The following CDK5RAP2 variants were observed in gnomAD, a reference collection of about 807,000 sequenced individuals.
CDK5RAP2 encodes CDK5 regulatory subunit associated protein 2, also known as CDK5 regulatory subunit-associated protein 2.
In CDK5RAP2, 147 loss-of-function variants were observed where a neutral mutation model predicts 232.9. That is an observed-to-expected ratio of 0.63 (90% confidence interval 0.55 to 0.72). The LOEUF is 0.72. Ranked by LOEUF, CDK5RAP2 falls within the 30% of genes least tolerant of loss-of-function variation. CDK5RAP2 has a pLI of 0.00. For synonymous variants in CDK5RAP2, 833 were observed against 833.7 expected (o/e 1.00, Z 0.01); for missense variants, 2,195 against 2,231.5 (o/e 0.98, Z 0.33).
chr9:120,555,753 A>C (rs375508534), intron 3 of CDK5RAP2, among the ~76,000 whole-genome samples: 14 of 152,344 alleles, frequency 9.2e-5, no homozygotes, highest in African/African-American at 3.4e-4. Flanking sequence ...AAACCTGTAC[A>C]TAAATGTTTA....
At chr9:120,414,953 C>A in intron 28 of CDK5RAP2, 87 bp downstream of exon 28, 1 of 1,485,776 alleles carries the variant, frequency 6.7e-7, no homozygotes, top group East Asian at 2.3e-5. Context: ...CAAGCACCTG[C>A]TTTGTACACA....
intron 28 of CDK5RAP2, 104 bp from the exon 29 acceptor site, chr9:120,411,578 A>G (rs1389857413): frequency 4.2e-6 from 3 of 712,530 alleles, no homozygotes; most frequent in South Asian, 3.0e-5. Context: ...ACAACATACA[A>G]TGAAAATCCC....
chr9:120,505,023 CT>C (rs1479693293), intron 12 of CDK5RAP2, among the ~76,000 whole-genome samples: 5 of 152,316 alleles, frequency 3.3e-5, no homozygotes, highest in African/African-American at 1.2e-4. Flanking sequence ...TACCCATCAC[CT>C]CACTCAACTC....
At chr9:120,549,490 T>C (rs1162394768) in intron 4 of CDK5RAP2, among the ~76,000 whole-genome samples, 1 of 152,196 alleles carries the variant, frequency 6.6e-6, no homozygotes, top group Non-Finnish European at 1.5e-5. Flanking sequence ...AGTGGTATAG[T>C]ACAATGAGAT....
intron 25 of CDK5RAP2, among the ~76,000 whole-genome samples, chr9:120,427,465 C>T (rs926371787): frequency 6.6e-6 from 1 of 152,144 alleles, no homozygotes; most frequent in African/African-American, 2.4e-5. Flanking sequence ...GGATAAATGA[C>T]CCACAAAGCT....
At chr9:120,397,544 T>TAAAAAAAAAAAAA (rs760469422) in intron 35 of CDK5RAP2, among the ~76,000 whole-genome samples, 6 of 49,056 alleles carry the variant, frequency 1.2e-4, no homozygotes, top group Non-Finnish European at 1.8e-4. Flanking sequence ...AAAACATTCT[T>TAAAAAAAAAAAAA]AAAAAAAAAA....
chr9:120,509,633 T>C (rs116958160), intron 12 of CDK5RAP2, among the ~76,000 whole-genome samples: 1 of 152,360 alleles, frequency 6.6e-6, no homozygotes, highest in East Asian at 1.9e-4. Flanking sequence ...ACGTTTCTAG[T>C]GCCCGAGGCC....
chr9:120,457,789 CG>C (rs1395032914), intron 20 of CDK5RAP2, among the ~76,000 whole-genome samples: 1 of 152,112 alleles, frequency 6.6e-6, no homozygotes, highest in African/African-American at 2.4e-5. Flanking sequence ...TTTTCTTAAA[CG>C]TTTTTTTCTT....
chr9:120,429,885 C>T (rs968950297), intron 25 of CDK5RAP2, among the ~76,000 whole-genome samples: 4 of 152,214 alleles, frequency 2.6e-5, no homozygotes, highest in Admixed American at 6.5e-5. Context: ...GTAACCAAAA[C>T]AGCATGGTAC....
intron 16 of CDK5RAP2, among the ~76,000 whole-genome samples, chr9:120,471,012 A>C (rs1185180707): frequency 6.6e-6 from 1 of 152,220 alleles, no homozygotes; most frequent in Non-Finnish European, 1.5e-5. Flanking sequence ...CTGTAAAATG[A>C]ACTTAATACT....
intron 25 of CDK5RAP2, among the ~76,000 whole-genome samples, chr9:120,430,041 C>G (rs11506925): frequency 0.1 from 15,531 of 151,998 alleles, 1,765 homozygotes; most frequent in African/African-American, 0.28. Context: ...ATGGTGTTGG[C>G]AAAACTGGCT....
At chr9:120,571,947 A>C in intron 2 of CDK5RAP2, 27 bp downstream of exon 2, 2 of 1,583,668 alleles carry the variant, frequency 1.3e-6, no homozygotes, top group Non-Finnish European at 1.7e-6. Flanking sequence ...TCTTTACTCA[A>C]GAGAATGCCT....
intron 11 of CDK5RAP2, among the ~76,000 whole-genome samples, chr9:120,521,743 T>C (rs2040672627): frequency 6.6e-6 from 1 of 151,508 alleles, no homozygotes; most frequent in Non-Finnish European, 1.5e-5. Context: ...CCTCCCGGGT[T>C]CACACCATTC....
At chr9:120,568,919 G>C (rs912774852) in intron 2 of CDK5RAP2, among the ~76,000 whole-genome samples, 4 of 152,152 alleles carry the variant, frequency 2.6e-5, no homozygotes, top group East Asian at 1.9e-4. Context: ...TCCAATAAAA[G>C]TTTATTTTCA....
At chr9:120,560,907 G>T (rs1299654086) in intron 3 of CDK5RAP2, among the ~76,000 whole-genome samples, 1 of 151,550 alleles carries the variant, frequency 6.6e-6, no homozygotes, top group African/African-American at 2.4e-5. Flanking sequence ...GTGAGCCACC[G>T]CACCCAGCCG....
chr9:120,406,924 G>A (rs2033482583), intron 32 of CDK5RAP2, 88 bp downstream of exon 32: 1 of 995,854 alleles, frequency 1.0e-6, no homozygotes. Flanking sequence ...CACCTCTGTG[G>A]GGCAAAGGCA....
In CDK5RAP2 at chr9:120,439,947, G is replaced by T. The variant is rs143639333; in HGVS notation, c.3174C>A (p.Asp1058Glu). ...CTTTGCATGATGGCAAGCTGGCAAG[G>T]TCATCAGGTGGGCAAATCTCAGAGT... ...EIDSEICPPD[D>E]LASLPSCKEN... Residue 1058 changes from aspartate (D) to glutamate (E), a missense_variant, in exon 24 of 38, where the codon GAC becomes GAA. By Grantham distance (45) the Asp-to-Glu change is conservative. Coordinates refer to ENST00000349780, the MANE Select transcript of CDK5RAP2 (RefSeq NM_018249.6). The T allele has an allele frequency of 2.5e-5, 40 of 1,613,886 alleles. No individual in the cohort carries two copies. Among genetic ancestry groups the T allele is most frequent in the Non-Finnish European group, 3.4e-6 (4 of 1,180,006 alleles).
At chr9:120,424,233 A>G (rs954239015) in intron 25 of CDK5RAP2, among the ~76,000 whole-genome samples, 2 of 152,242 alleles carry the variant, frequency 1.3e-5, no homozygotes, top group Admixed American at 1.3e-4. Flanking sequence ...TAAGCAAGAC[A>G]GATGGAGATA....
At chr9:120,516,259 T>C (rs546883486) in intron 12 of CDK5RAP2, among the ~76,000 whole-genome samples, 37 of 150,464 alleles carry the variant, frequency 2.5e-4, no homozygotes, top group African/African-American at 7.3e-4. Context: ...AGCAAACTAT[T>C]GCAAGGACAA....
Sources: gnomAD v4.1 joint callset for allele counts (sites outside exome capture counted in the v4.1 genomes callset) on GRCh38, gnomAD v4.1.1 for gene constraint, MANE v1.5 for transcripts, NCBI Gene and HGNC (gene_info 2026-07-23, HGNC 2026-07-21) for gene names.